The following BANK1 variants were observed in gnomAD, a reference collection of about 807,000 sequenced individuals.
BANK1 encodes the protein B-cell scaffold protein with ankyrin repeats.
In BANK1, 95 loss-of-function variants were observed where a neutral mutation model predicts 94.5. That is an observed-to-expected ratio of 1.00 (90% CI 0.85 to 1.19). BANK1 has a LOEUF of 1.19. Ranked by LOEUF, BANK1 falls within the 50% of genes most tolerant of loss-of-function variation. The probability of loss-of-function intolerance (pLI) is 0.00; values close to 1 mark genes in which losing one functional copy is unlikely to be tolerated. For synonymous variants in BANK1, 334 were observed against 308.4 expected, an observed-to-expected ratio of 1.08 and a Z score of -0.87; for missense variants, 987 against 932.2, an observed-to-expected ratio of 1.06 and a Z score of -0.77.
At chr4:101,804,216 A>G (rs1026997779) in intron 1 of BANK1, among the ~76,000 whole-genome samples, 3 of 152,140 alleles carry the variant, frequency 2.0e-5, no homozygotes, top group Admixed American at 6.5e-5. Flanking sequence ...GTAGACAACT[A>G]TAAAGATGCA....
At chr4:101,805,698 A>G (rs1725528667) in intron 1 of BANK1, among the ~76,000 whole-genome samples, 1 of 151,516 alleles carries the variant, frequency 6.6e-6, no homozygotes, top group South Asian at 2.1e-4. Flanking sequence ...ATACAAATAA[A>G]GTCGTAGCCA....
intron 7 of BANK1, among the ~76,000 whole-genome samples, chr4:102,003,580 A>T (rs1726147904): frequency 6.6e-6 from 1 of 152,062 alleles, no homozygotes; most frequent in South Asian, 2.1e-4. Context: ...ACCAGGCAAA[A>T]TTGTATCATT....
intron 13 of BANK1, among the ~76,000 whole-genome samples, chr4:102,069,500 T>C (rs1426188956): frequency 1.3e-5 from 2 of 152,222 alleles, no homozygotes; most frequent in African/African-American, 4.8e-5. Flanking sequence ...TGGATATGCA[T>C]TGTATGCATT....
chr4:101,842,803 C>G (rs900059214), intron 2 of BANK1, among the ~76,000 whole-genome samples: 3 of 152,178 alleles, frequency 2.0e-5, no homozygotes, highest in African/African-American at 7.2e-5. Flanking sequence ...TTTCCCTTTC[C>G]TCATCACCTA....
intron 7 of BANK1, among the ~76,000 whole-genome samples, chr4:101,955,772 T>C (rs982263146): frequency 6.6e-6 from 1 of 152,212 alleles, no homozygotes; most frequent in Admixed American, 6.5e-5. Context: ...CAAATTTGTT[T>C]CATAGTAACT....
At chr4:101,846,246 T>TA (rs1245434769) in intron 2 of BANK1, among the ~76,000 whole-genome samples, 57 of 152,358 alleles carry the variant, frequency 3.7e-4, no homozygotes, top group Non-Finnish European at 7.3e-4. Context: ...TATGCAGCCA[T>TA]ACAAAATGAT....
intron 2 of BANK1, among the ~76,000 whole-genome samples, chr4:101,852,037 CT>C (rs1727493673): frequency 6.6e-6 from 1 of 152,024 alleles, no homozygotes. Context: ...TTGAAGTTGT[CT>C]TTTCCAAACA....
chr4:101,908,300 T>C (rs907802961), intron 6 of BANK1, among the ~76,000 whole-genome samples: 1 of 152,098 alleles, frequency 6.6e-6, no homozygotes, highest in African/African-American at 2.4e-5. Flanking sequence ...AAACAAGAAA[T>C]GGGGAAAGGA....
intron 10 of BANK1, among the ~76,000 whole-genome samples, chr4:102,033,895 A>G (rs1490867095): frequency 6.6e-6 from 1 of 152,184 alleles, no homozygotes; most frequent in Admixed American, 6.5e-5. Flanking sequence ...ACTGGGATAT[A>G]CTTGCCTGCC....
intron 7 of BANK1, among the ~76,000 whole-genome samples, chr4:101,976,221 C>G (rs1230499760): frequency 6.6e-6 from 1 of 152,142 alleles, no homozygotes; most frequent in Non-Finnish European, 1.5e-5. Context: ...GCTTGGCTGT[C>G]TCTGGATCTA....
intron 3 of BANK1, among the ~76,000 whole-genome samples, chr4:101,859,958 G>GAAAC (rs1180473956): frequency 2.0e-5 from 3 of 152,182 alleles, no homozygotes; most frequent in Non-Finnish European, 4.4e-5. Context: ...ATGCAGTGCA[G>GAAAC]AAACAGTCAA....
At chr4:101,977,967 G>A (rs1479174964) in intron 7 of BANK1, among the ~76,000 whole-genome samples, 2 of 151,646 alleles carry the variant, frequency 1.3e-5, no homozygotes, top group African/African-American at 4.8e-5. Flanking sequence ...TTGTTTGTTT[G>A]TTTGTTTGTT....
Position 102,025,071 on chromosome 4 carries a change from A to G in BANK1, c.1286-130A>G. ...CTGTTCACTAAAAGTTACACATTTG[A>G]CAGCTTTTCACTATATCAGGTCATA... On this transcript the variant is annotated intron_variant, in intron 8 of 16. Transcript: ENST00000322953. 3.1e-6 allele frequency: 3 copies of G among 969,942 alleles called. No individual in the cohort carries two copies. In the South Asian group the frequency reaches 4.9e-5, roughly 16 times the overall value. 60.1% of individuals were successfully genotyped at this position (969,942 alleles called of 1,614,324 possible). A position where few individuals can be genotyped will look rare whatever the true frequency, so the allele number is the denominator to read the frequency against.
chr4:102,043,412 AAG>A (rs572768482), intron 10 of BANK1, among the ~76,000 whole-genome samples: 6 of 152,184 alleles, frequency 3.9e-5, no homozygotes, highest in African/African-American at 1.4e-4. Context: ...TCTGAAATAC[AAG>A]AGTCTTTTTA....
At chr4:102,052,113 C>CTTTTTTTTTTT (rs199811166) in intron 11 of BANK1, among the ~76,000 whole-genome samples, 8 of 103,990 alleles carry the variant, frequency 7.7e-5, no homozygotes, top group South Asian at 3.5e-4. Flanking sequence ...TTCTTTTTTT[C>CTTTTTTTTTTT]TTTTTTTTTT....
At chr4:101,908,752 G>C (rs1402366152) in intron 6 of BANK1, among the ~76,000 whole-genome samples, 1 of 152,194 alleles carries the variant, frequency 6.6e-6, no homozygotes, top group Non-Finnish European at 1.5e-5. Flanking sequence ...CGAAGGATAT[G>C]AACAGATACT....
chr4:101,911,852 T>C (rs762681333), intron 6 of BANK1, among the ~76,000 whole-genome samples: 8 of 152,220 alleles, frequency 5.3e-5, no homozygotes, highest in Non-Finnish European at 7.4e-5. Context: ...AAGGCACATA[T>C]GTTTGTCTTC....
In BANK1 at chr4:102,025,311, A is replaced by G; in HGVS notation, c.1396A>G (p.Met466Val). 1 of 1,614,164 alleles carries G rather than the reference A, an allele frequency of 6.2e-7. No individual in the cohort carries two copies. The highest frequency in any genetic ancestry group is 8.5e-7 in the Non-Finnish European group (1 of 1,180,006). ...EGEGKQNGSG[M>V]ETKHSPLEVG... ...GGAAGGAAAACAGAATGGATCAGGC[A>G]TGGAGACCAAACACAGCCCACTAGA... Residue 466 changes from methionine (M) to valine (V), a missense_variant, in exon 9 of 17, where the codon ATG (methionine) becomes GTG (valine). Physicochemically the swap from Met to Val is conservative, Grantham distance 21 (BLOSUM62 1). Transcript: ENST00000322953.
intron 6 of BANK1, among the ~76,000 whole-genome samples, chr4:101,912,510 G>A (rs1002103859): frequency 5.3e-5 from 8 of 150,916 alleles, no homozygotes; most frequent in African/African-American, 1.5e-4. Flanking sequence ...TGTGTTGAAA[G>A]ATAGATAGAG....
Sources: allele counts gnomAD v4.1 joint callset (sites outside exome capture counted in the v4.1 genomes callset), GRCh38; gene constraint gnomAD v4.1.1; transcripts MANE v1.5; gene names NCBI Gene and HGNC (gene_info 2026-07-23, HGNC 2026-07-21).